Variants in DNAH1 observed in about 807,000 individuals in gnomAD.
DNAH1 encodes axonemal beta dynein heavy chain 1.
In DNAH1, 327 loss-of-function variants were observed where a neutral mutation model predicts 484.3. The ratio of observed to expected loss-of-function variants is 0.68; its 90% CI spans 0.62 to 0.74. DNAH1 has a LOEUF of 0.74. Among genes scored for constraint, DNAH1 ranks in the 30% least tolerant of loss-of-function variants. DNAH1 has a pLI of 0.00. For missense variants in DNAH1, 5,052 were observed against 5,546.8 expected (o/e 0.91, Z 2.83); for synonymous variants, 2,192 against 2,191.9 (o/e 1.00, Z 0.00).
intron 1 of DNAH1, among the ~76,000 whole-genome samples, chr3:52,322,144 G>A (rs1701171124): frequency 6.6e-6 from 1 of 152,126 alleles, no homozygotes. Flanking sequence ...CATCTGCAGT[G>A]TTTCCCCTCA....
intron 44 of DNAH1, chr3:52,374,351 C>G (rs1322203296): frequency 6.7e-7 from 1 of 1,487,988 alleles, no homozygotes; most frequent in South Asian, 1.1e-5. Context: ...GTGTCTACCA[C>G]CCCCAGCTGG....
chr3:52,323,295 AG>A (rs940596111), intron 2 of DNAH1, among the ~76,000 whole-genome samples: 1 of 151,184 alleles, frequency 6.6e-6, no homozygotes, highest in Non-Finnish European at 1.5e-5. Context: ...CTAGAATGCG[AG>A]GGGAGAGATC....
In DNAH1 at chr3:52,388,440, A is replaced by G. The variant is rs1704208798; in HGVS notation, c.9194A>G (p.Asp3065Gly). ...PKRQALLEAQDDLGVTQRILD... is the reference protein window; with the variant it reads ...PKRQALLEAQGDLGVTQRILD... ...CAGCAAGCCCTGCTGGAGGCCCAGG[A>G]TGACCTGGGGGTGACACAGAGGATC... The change falls in exon 58 of 78, where the codon GAT (aspartate) becomes GGT (glycine). Residue 3065 changes from aspartate to glycine, a missense_variant. Coordinates refer to ENST00000420323, the MANE Select transcript of DNAH1 (RefSeq NM_015512.5). 1.2e-6 allele frequency: 2 copies of G among 1,612,568 alleles called. No homozygotes were observed. Among genetic ancestry groups the G allele is most frequent in the Admixed American group, 1.7e-5 (1 of 59,820 alleles).
intron 65 of DNAH1, 151 bp from the exon 66 acceptor site, chr3:52,393,183 C>T: frequency 2.1e-6 from 3 of 1,433,204 alleles, no homozygotes; most frequent in Non-Finnish European, 2.9e-6. Flanking sequence ...GCCTACCCTC[C>T]TCCGAGCCCC....
rs138880473 is a variant in DNAH1 at position 52,345,452 on chromosome 3, C to T, written c.1445-43C>T. On this transcript the variant is annotated intron_variant, in intron 9 of 77. Transcript: ENST00000420323. ...GGATCTGTCCTGTCCCCTGGTTTGGCCAGGCAGGGTCTGATACTGGCCCTT... is the reference window on the plus strand; with the variant it reads ...GGATCTGTCCTGTCCCCTGGTTTGGTCAGGCAGGGTCTGATACTGGCCCTT... 1,088 of 1,529,348 alleles carry T rather than the reference C, an allele frequency of 7.1e-4. 15 individuals are homozygous for T. In the East Asian group the frequency reaches 0.02, roughly 28 times the overall value. The allele number at this position is 1,529,348 out of a possible 1,614,324, so 94.7% of individuals were successfully genotyped here. A position where few individuals can be genotyped will look rare whatever the true frequency, so the allele number is the denominator to read the frequency against.
intron 17 of DNAH1, 94 bp from the exon 18 acceptor site, chr3:52,352,458 G>T: frequency 1.3e-6 from 2 of 1,497,882 alleles, no homozygotes; most frequent in African/African-American, 1.4e-5. Context: ...AGGAGTGGAC[G>T]TCCTGGGACC....
rs365048 is a variant in DNAH1, at chr3:52,396,682, G to A, written c.11495G>A (p.Arg3832His). 1,952 of 1,613,718 alleles carry A rather than the reference G, an allele frequency of 1.2e-3. 13 individuals are homozygous for A. In the African/African-American group the frequency reaches 0.017, roughly 14 times the overall value. The change falls in exon 72 of 78, where the codon CGT becomes CAT. Residue 3832 changes from arginine (R) to histidine (H), a missense_variant. By Grantham distance (29) the Arg-to-His change is conservative. Coordinates refer to ENST00000420323, the MANE Select transcript of DNAH1 (RefSeq NM_015512.5). ...TTCCATGGGAACGCCCTGGAGCGCC[G>A]TAAGTTTGGGCCCCTGGGCTTCAAC... The part of the protein sequence containing the change: ...CLFHGNALER[R>H]KFGPLGFNIP...
chr3:52,376,113 A>C, intron 46 of DNAH1, 120 bp downstream of exon 46: 1 of 1,249,724 alleles, frequency 8.0e-7, no homozygotes, highest in East Asian at 2.5e-5. Context: ...TCATGCAGGG[A>C]CCTTGGGCCA....
At chr3:52,320,000 C>T (rs1701086074) in intron 1 of DNAH1, among the ~76,000 whole-genome samples, 1 of 152,198 alleles carries the variant, frequency 6.6e-6, no homozygotes, top group Non-Finnish European at 1.5e-5. Context: ...ATTTGCACAT[C>T]TGTTATCTCC....
intron 45 of DNAH1, 82 bp downstream of exon 45, chr3:52,375,495 C>T (rs1703551862): frequency 2.7e-6 from 4 of 1,504,848 alleles, no homozygotes; most frequent in Middle Eastern, 1.8e-4. Flanking sequence ...GGGTGGCCAC[C>T]AGAAAGGGTG....
chr3:52,353,278 T>C lies in DNAH1; in HGVS notation c.3203T>C (p.Val1068Ala). 1.9e-6 allele frequency: 3 copies of C among 1,613,896 alleles called. No homozygotes were observed. Among genetic ancestry groups the C allele is most frequent in the Non-Finnish European group, 2.5e-6 (3 of 1,179,882 alleles). ...VEAFKTMHKC[V>A]KQFKDMPACQ... Reference sequence around the variant, plus strand: ...GCCTTCAAGACCATGCACAAGTGCGTGAAGCAGTTTAAGGACATGCCAGGT... The same window carrying C: ...GCCTTCAAGACCATGCACAAGTGCGCGAAGCAGTTTAAGGACATGCCAGGT... Residue 1068 changes from valine to alanine, a missense_variant, in exon 19 of 78, where the codon GTG (valine) becomes GCG (alanine). Around this residue, in one of 4 missense-constraint regions of DNAH1, gnomAD observed 2,929 missense variants for 3,409.4 expected, o/e 0.86. Transcript: ENST00000420323. This position sits in a 1 kb window ranked among gnomAD's most constrained non-coding sequence, Gnocchi z 5.0.
At chr3:52,311,728 G>A (rs544253014), upstream of DNAH1, among the ~76,000 whole-genome samples, 7 of 152,320 alleles carry the variant, frequency 4.6e-5, no homozygotes, top group Non-Finnish European at 1.0e-4. Flanking sequence ...GGATGAAAGT[G>A]CTGGTTGTCA....
rs1172877651 is a variant in DNAH1 at position 52,364,244 on chromosome 3, G to A, written c.5245-394G>A. On this transcript the variant is annotated intron_variant, in intron 32 of 77. Coordinates refer to ENST00000420323, the MANE Select transcript of DNAH1 (RefSeq NM_015512.5). The surrounding 1 kb of genome is among the most constrained non-coding windows in gnomAD (Gnocchi z 4.2). Reference sequence around the variant, plus strand: ...GTGTGGCCAGAAAGACGGGTCTGGAGAGATGTTATGGGAGAATGTTAGAAG... The same window carrying A: ...GTGTGGCCAGAAAGACGGGTCTGGAAAGATGTTATGGGAGAATGTTAGAAG... Among the ~76,000 whole-genome samples, 1 of 152,232 alleles carries A rather than the reference G, an allele frequency of 6.6e-6. No individual in the cohort carries two copies. The highest frequency in any genetic ancestry group is 1.5e-5 in the Non-Finnish European group (1 of 68,046).
rs1268670645 is a variant in DNAH1 at position 52,346,575 on chromosome 3, A to G, written c.1760A>G (p.Asn587Ser). ...GGCTGGTACAACCTCTACGAGACCA[A>G]CTGGGAGGTGTACCTCATGTCCAAG... ...SKGWYNLYETNWEVYLMSKLR... is the reference protein window; with the variant it reads ...SKGWYNLYETSWEVYLMSKLR... Residue 587 changes from asparagine (N) to serine (S), a missense_variant, in exon 11 of 78, where the codon AAC becomes AGC. Physicochemically the swap from Asn to Ser is conservative, Grantham distance 46 (BLOSUM62 1). Coordinates refer to ENST00000420323, the MANE Select transcript of DNAH1 (RefSeq NM_015512.5). The G allele has an allele frequency of 8.1e-6, 13 of 1,614,042 alleles. No individual in the cohort carries two copies. Among genetic ancestry groups the G allele is most frequent in the Non-Finnish European group, 1.0e-5 (12 of 1,179,888 alleles).
In DNAH1 at chr3:52,348,972, G is replaced by A; in HGVS notation, c.2191G>A (p.Ala731Thr). 2 of 1,613,416 alleles carry A rather than the reference G, an allele frequency of 1.2e-6. No individual in the cohort carries two copies. The highest frequency in any genetic ancestry group is 1.7e-6 in the Non-Finnish European group (2 of 1,179,908). ...TGAGCCACTGGTGGAAGAGCTACGGGCCACCATTGCCAGTGCCGTGTCCAA... is the reference window on the plus strand; with the variant it reads ...TGAGCCACTGGTGGAAGAGCTACGGACCACCATTGCCAGTGCCGTGTCCAA... ...LHEPLVEELR[A>T]TIASAVSKAM... The change falls in exon 13 of 78, where the codon GCC becomes ACC. Residue 731 changes from alanine (A) to threonine (T), a missense_variant. By Grantham distance (58) the Ala-to-Thr change is moderately conservative. Around this residue, in one of 4 missense-constraint regions of DNAH1, gnomAD observed 1,263 missense variants for 1,218.8 expected, o/e 1.04. Coordinates refer to ENST00000420323, the MANE Select transcript of DNAH1 (RefSeq NM_015512.5).
intron 12 of DNAH1, 118 bp from the exon 13 acceptor site, chr3:52,348,769 CT>C: frequency 9.1e-7 from 1 of 1,104,090 alleles, no homozygotes; most frequent in Non-Finnish European, 1.3e-6. Context: ...ACCCTCTAGG[CT>C]TCAGGCCACA....
At chr3:52,385,275 C>T (rs34827613) in intron 53 of DNAH1, 62 bp from the exon 54 acceptor site, 2 of 1,489,658 alleles carry the variant, frequency 1.3e-6, no homozygotes, top group South Asian at 1.2e-5. Context: ...GGCGGCCCAG[C>T]AGGCCCTGTG....
intron 8 of DNAH1, among the ~76,000 whole-genome samples, chr3:52,341,142 G>T (rs931160585): frequency 1.3e-5 from 2 of 152,174 alleles, no homozygotes; most frequent in African/African-American, 4.8e-5. Context: ...GTCTTAGACA[G>T]CAGGGAAGTG....
At position 52,368,670 on chromosome 3, in the gene DNAH1, C is replaced by T; in HGVS notation, c.5766-71C>T. ...GCCCGCCCACCCGGCGGCCAGGCTTCCCTGGGAGCCAGCTGTGCTCGAAGC... is the reference window on the plus strand; with the variant it reads ...GCCCGCCCACCCGGCGGCCAGGCTTTCCTGGGAGCCAGCTGTGCTCGAAGC... On this transcript the variant is annotated intron_variant, in intron 36 of 77. Coordinates refer to ENST00000420323, the MANE Select transcript of DNAH1 (RefSeq NM_015512.5). This position sits in a 1 kb window ranked among gnomAD's most constrained non-coding sequence, Gnocchi z 4.4. 3 of 1,530,914 alleles carry T rather than the reference C, an allele frequency of 2.0e-6. No homozygotes were observed. Among genetic ancestry groups the T allele is most frequent in the Non-Finnish European group, 1.8e-6 (2 of 1,129,370 alleles). 94.8% of individuals were successfully genotyped at this position (1,530,914 alleles called of 1,614,324 possible).
Sources: gnomAD v4.1 joint callset for allele counts (sites outside exome capture counted in the v4.1 genomes callset) on GRCh38, gnomAD v4.1.1 for gene constraint, gnomAD v4.1.1 regional missense constraint, Gnocchi (gnomAD v3.1) non-coding constraint, MANE v1.5 for transcripts, NCBI Gene and HGNC (gene_info 2026-07-23, HGNC 2026-07-21) for gene names.